LRRC17: variants seen among roughly 807,000 people sequenced by gnomAD.
LRRC17 encodes the protein leucine-rich repeat-containing protein 17.
Under a neutral mutation model 41.5 loss-of-function variants are expected in LRRC17, and 33 were observed. The ratio of observed to expected loss-of-function variants is 0.80; its 90% CI spans 0.60 to 1.06. The LOEUF is 1.06. Among genes scored for constraint, LRRC17 ranks in the 50% least tolerant of loss-of-function variants. The pLI is 0.00. For missense variants in LRRC17, 491 were observed against 519.3 expected, an observed-to-expected ratio of 0.95 and a Z score of 0.53; for synonymous variants, 192 against 197.0, an observed-to-expected ratio of 0.97 and a Z score of 0.21.
intron 1 of LRRC17, among the ~76,000 whole-genome samples, chr7:102,921,710 C>T (rs1422306416): frequency 3.3e-5 from 5 of 151,786 alleles, no homozygotes; most frequent in Non-Finnish European, 5.9e-5. Context: ...ATAAAAGAAG[C>T]TCTGTTTTAA....
At chr7:102,916,720 C>A (rs774455169) in intron 1 of LRRC17, among the ~76,000 whole-genome samples, 3 of 151,414 alleles carry the variant, frequency 2.0e-5, no homozygotes, top group Non-Finnish European at 4.4e-5. Flanking sequence ...CTTGGTAATT[C>A]TAATTCTGCT....
intron 1 of LRRC17, among the ~76,000 whole-genome samples, chr7:102,932,757 T>C (rs1819466898): frequency 6.6e-6 from 1 of 151,964 alleles, no homozygotes; most frequent in African/African-American, 2.4e-5. Context: ...TACAGGTGCA[T>C]ACCACCATGC....
intron 1 of LRRC17, among the ~76,000 whole-genome samples, chr7:102,930,268 C>T (rs1188665339): frequency 6.6e-6 from 1 of 152,120 alleles, no homozygotes; most frequent in Non-Finnish European, 1.5e-5. Flanking sequence ...GAGCTGGTGC[C>T]TCATGATTGG....
At position 102,913,048 on chromosome 7, in the gene LRRC17, C is replaced by T. The variant is rs1815067754; in HGVS notation, c.-238C>T. 1.2e-6 allele frequency: 2 copies of T among 1,613,560 alleles called. No individual in the cohort carries two copies. The highest frequency in any genetic ancestry group is 2.7e-5 in the African/African-American group (2 of 74,912). On this transcript the variant is annotated 5_prime_UTR_variant, in exon 1 of 4. Coordinates refer to ENST00000339431, the MANE Select transcript of LRRC17 (RefSeq NM_001031692.3). ...TGCAGCCCATTCTCTGGAGAACTTC[C>T]TCACACACCGCAGCAAAGAGAAGAC...
At chr7:102,941,041 A>G (rs1363099441) in intron 3 of LRRC17, among the ~76,000 whole-genome samples, 1 of 152,236 alleles carries the variant, frequency 6.6e-6, no homozygotes, top group Non-Finnish European at 1.5e-5. Flanking sequence ...TGGAGCCACA[A>G]GGGCATATTT....
intron 1 of LRRC17, among the ~76,000 whole-genome samples, chr7:102,927,301 C>T (rs532297215): frequency 2.3e-4 from 35 of 152,290 alleles, no homozygotes; most frequent in Admixed American, 7.8e-4. Context: ...ATGTTTGACG[C>T]TACATCAGTC....
intron 1 of LRRC17, among the ~76,000 whole-genome samples, chr7:102,916,823 T>G (rs955786358): frequency 6.6e-6 from 1 of 152,130 alleles, no homozygotes; most frequent in Non-Finnish European, 1.5e-5. Context: ...CTTTGTGATT[T>G]ATTTATTTAT....
chr7:102,927,442 A>G (rs1363628478), intron 1 of LRRC17, among the ~76,000 whole-genome samples: 1 of 152,200 alleles, frequency 6.6e-6, no homozygotes, highest in Non-Finnish European at 1.5e-5. Flanking sequence ...TAAAGATAGT[A>G]AAGGCTTATT....
At position 102,934,013 on chromosome 7, in the gene LRRC17, CG is replaced by C; in HGVS notation, c.103del (p.Ala35ArgfsTer31). On this transcript the variant is annotated frameshift_variant, in exon 2 of 4. Coordinates refer to ENST00000339431, the MANE Select transcript of LRRC17 (RefSeq NM_001031692.3). LOFTEE classifies it high-confidence loss of function. ...TGTGAGAAGCCGAGTGAATCATGGC[CG>C]GGCGGGTGGAGGCCGGAGAGGCTCC... ...GSVRSRVNHG[R>X]AGGGRRGSNP... 1 of 1,614,080 alleles carries C rather than the reference CG, an allele frequency of 6.2e-7. No homozygotes were observed. The highest frequency in any genetic ancestry group is 1.7e-5 in the Admixed American group (1 of 60,032).
chr7:102,913,443 A>G (rs1350729247), intron 1 of LRRC17, among the ~76,000 whole-genome samples: 1 of 152,246 alleles, frequency 6.6e-6, no homozygotes, highest in Non-Finnish European at 1.5e-5. Flanking sequence ...AAGTGAAAGT[A>G]TTAATAGTTC....
intron 1 of LRRC17, chr7:102,931,955 T>C (rs767363321): frequency 1.9e-6 from 3 of 1,609,570 alleles, no homozygotes; most frequent in South Asian, 2.2e-5. Context: ...AAGTTACACG[T>C]CACTAAACTA....
rs571578134 is a variant in LRRC17 at position 102,938,709 on chromosome 7, C to G, written c.773-721C>G. ...ATATACTCTTTATCAAAAGCAAACA[C>G]TTTGCATCAATATTTGCAATATTTG... On this transcript the variant is annotated intron_variant, in intron 2 of 3. Coordinates refer to ENST00000339431, the MANE Select transcript of LRRC17 (RefSeq NM_001031692.3). Among the ~76,000 whole-genome samples the G allele has an allele frequency of 1.9e-4, 29 of 152,300 alleles. No homozygotes were observed. In the South Asian group the frequency reaches 6.0e-3, roughly 32 times the overall value.
intron 1 of LRRC17, among the ~76,000 whole-genome samples, chr7:102,924,713 C>G (rs1221421051): frequency 6.9e-6 from 1 of 144,622 alleles, no homozygotes; most frequent in Non-Finnish European, 1.5e-5. Flanking sequence ...GCAATCTTGG[C>G]TCACTGCAAG....
At chr7:102,921,161 C>A (rs1047087828) in intron 1 of LRRC17, among the ~76,000 whole-genome samples, 1 of 151,408 alleles carries the variant, frequency 6.6e-6, no homozygotes, top group Non-Finnish European at 1.5e-5. Flanking sequence ...CAAAACAAAG[C>A]GAATTCAAGG....
chr7:102,935,436 C>T (rs1254801534), intron 2 of LRRC17, among the ~76,000 whole-genome samples: 1 of 151,680 alleles, frequency 6.6e-6, no homozygotes, highest in Non-Finnish European at 1.5e-5. Flanking sequence ...TTCCAAATTA[C>T]CCAGAATAAA....
intron 1 of LRRC17, among the ~76,000 whole-genome samples, chr7:102,929,953 G>C (rs1475993916): frequency 6.6e-6 from 1 of 152,024 alleles, no homozygotes; most frequent in Non-Finnish European, 1.5e-5. Context: ...AATAAACAAA[G>C]AGAATGGAAA....
chr7:102,944,047 G>A (rs1421568434), intron 3 of LRRC17, among the ~76,000 whole-genome samples, 163 bp from the exon 4 acceptor site: 1 of 152,094 alleles, frequency 6.6e-6, no homozygotes, highest in East Asian at 1.9e-4. Flanking sequence ...ATAGTTAAAA[G>A]TTTTCTAAAG....
intron 1 of LRRC17, among the ~76,000 whole-genome samples, chr7:102,926,071 A>G (rs1383423829): frequency 6.6e-6 from 1 of 152,200 alleles, no homozygotes; most frequent in East Asian, 1.9e-4. Context: ...CATTGCTGTA[A>G]GAGTCACAAA....
At chr7:102,943,147 G>C (rs1489019189) in intron 3 of LRRC17, among the ~76,000 whole-genome samples, 1 of 152,114 alleles carries the variant, frequency 6.6e-6, no homozygotes, top group Middle Eastern at 3.2e-3. Context: ...GACTCTACAG[G>C]AATAGAACCC....
Sources: allele counts gnomAD v4.1 joint callset (sites outside exome capture counted in the v4.1 genomes callset), GRCh38; gene constraint gnomAD v4.1.1; transcripts MANE v1.5; gene names NCBI Gene and HGNC (gene_info 2026-07-23, HGNC 2026-07-21).